Variants in CCNC observed in about 807,000 individuals in gnomAD.
CCNC encodes cyclin-C.
CCNC carries 19 observed loss-of-function variants against 50.0 expected under a neutral mutation model. The observed-to-expected ratio is 0.38, with a 90% CI of 0.27 to 0.56. The LOEUF is 0.56. CCNC is among the 20% of genes least tolerant of loss of function. The probability of loss-of-function intolerance (pLI) is 0.72; values close to 1 mark genes in which losing one functional copy is unlikely to be tolerated. For synonymous variants in CCNC, 93 were observed against 103.7 expected, an observed-to-expected ratio of 0.90 and a Z score of 0.63; for missense variants, 200 against 327.1, an observed-to-expected ratio of 0.61 and a Z score of 3.00.
rs1266323637 is a variant in CCNC, at chr6:99,543,571, C to T, written c.836G>A (p.Ser279Asn). Residue 279 changes from serine (S) to asparagine (N), a missense_variant, in exon 12 of 12, where the codon AGC becomes AAC. Ser to Asn is a conservative substitution (Grantham distance 46). Transcript: ENST00000520429. ...CGGAATGTTTTAAGATTGGCTGTAGCTAGAGTTCTGACTTCCATTTGGACC... is the reference window on the plus strand; with the variant it reads ...CGGAATGTTTTAAGATTGGCTGTAGTTAGAGTTCTGACTTCCATTTGGACC... Reference protein sequence around the residue: ...EQGPNGSQNSSYSQS With the variant: ...EQGPNGSQNSNYSQS The T allele has an allele frequency of 1.2e-6, 2 of 1,613,318 alleles. No individual in the cohort carries two copies. The highest frequency in any genetic ancestry group is 2.2e-5 in the East Asian group (1 of 44,798).
At chr6:99,550,129 T>G in intron 8 of CCNC, 89 bp downstream of exon 8, 1 of 898,886 alleles carries the variant, frequency 1.1e-6, no homozygotes, top group East Asian at 2.6e-5. Flanking sequence ...AATAGTTTAA[T>G]GACTTTAAAA....
chr6:99,543,518 T>C lies in CCNC; in HGVS notation c.*37A>G. On this transcript the variant is annotated 3_prime_UTR_variant, in exon 12 of 12. Transcript: ENST00000520429. ...TTACTGAAATCTGTCCAATGGTTTA[T>C]TTCCAAGTGGTCCACTATGGAATTC... The C allele has an allele frequency of 1.2e-6, 2 of 1,608,380 alleles. No homozygotes were observed. The highest frequency in any genetic ancestry group is 1.7e-6 in the Non-Finnish European group (2 of 1,175,196).
At chr6:99,548,138 C>T (rs1417076331) in intron 9 of CCNC, among the ~76,000 whole-genome samples, 2 of 152,086 alleles carry the variant, frequency 1.3e-5, no homozygotes, top group African/African-American at 4.8e-5. Context: ...AAAGAACTGC[C>T]AAGTGGCAAG....
At position 99,549,535 on chromosome 6, in the gene CCNC, G is replaced by C; in HGVS notation, c.571C>G (p.Leu191Val). The C allele has an allele frequency of 2.5e-6, 4 of 1,607,086 alleles. No homozygotes were observed. The highest frequency in any genetic ancestry group is 3.4e-6 in the Non-Finnish European group (4 of 1,174,014). ...NDTYRTDLCL[L>V]YPPFMIALAC... ...AAAGCTATCATGAAAGGAGGATACAGTAGGCAAAGATCCGTTCTGTAGGTA... is the reference window on the plus strand; with the variant it reads ...AAAGCTATCATGAAAGGAGGATACACTAGGCAAAGATCCGTTCTGTAGGTA... Residue 191 changes from leucine (L) to valine (V), a missense_variant, in exon 9 of 12, where the codon CTG becomes GTG. Leu to Val is a conservative substitution (Grantham distance 32, BLOSUM62 1). Transcript: ENST00000520429.
At chr6:99,566,962 C>T (rs911022893) in intron 1 of CCNC, 2 of 454,824 alleles carry the variant, frequency 4.4e-6, no homozygotes, top group Non-Finnish European at 8.8e-6. Context: ...CTTCCACACT[C>T]GTTACCTTTT....
At chr6:99,557,919 AG>A (rs1157499944) in intron 5 of CCNC, 3 of 152,642 alleles carry the variant, frequency 2.0e-5, no homozygotes, top group Admixed American at 6.5e-5. Context: ...GCTCACAGAA[AG>A]GTCCATGTAA....
At chr6:99,558,108 C>T (rs143418172) in intron 5 of CCNC, 83 of 230,458 alleles carry the variant, frequency 3.6e-4, no homozygotes, top group African/African-American at 1.8e-3. Flanking sequence ...TCATAACAAC[C>T]CAACAACACA....
intron 1 of CCNC, among the ~76,000 whole-genome samples, chr6:99,567,428 T>TATAC (rs1562496573): frequency 6.6e-6 from 1 of 151,270 alleles, no homozygotes; most frequent in African/African-American, 2.4e-5. Context: ...CACATATATA[T>TATAC]ACACACACAC....
chr6:99,551,903 A>C lies in CCNC; in HGVS notation c.347-8T>G, dbSNP rs1802314763. ...ATGAAAATCTAGTTTTTACTGCAGA[A>C]AATAAAAAAAAAATTTAAACTGAGA... is the stretch of plus-strand genomic sequence containing the variant. On this transcript the variant is annotated splice_polypyrimidine_tract_variant and splice_region_variant and intron_variant, in intron 5 of 11. Coordinates refer to ENST00000520429, the MANE Select transcript of CCNC (RefSeq NM_005190.4). The C allele has an allele frequency of 7.1e-7, 1 of 1,410,588 alleles. No homozygotes were observed. Among genetic ancestry groups the C allele is most frequent in the Non-Finnish European group, 9.5e-7 (1 of 1,052,252 alleles). The allele number at this position is 1,410,588 out of a possible 1,614,324, so 87.4% of individuals were successfully genotyped here.
rs373571578 is a variant in CCNC, at chr6:99,568,530, A to G, written c.-3T>C. The G allele has an allele frequency of 1.9e-4, 310 of 1,612,388 alleles. 1 individual carries two copies. Among genetic ancestry groups the G allele is most frequent in the Non-Finnish European group, 2.4e-4 (287 of 1,179,294 alleles). On this transcript the variant is annotated 5_prime_UTR_variant, in exon 1 of 12. Coordinates refer to ENST00000520429, the MANE Select transcript of CCNC (RefSeq NM_005190.4). ...CTCTGCCAAAAGTTCCCTGCCATGG[A>G]ACACAGCTTGCCCTGATAAAAAAGC...
intron 11 of CCNC, 77 bp downstream of exon 11, chr6:99,545,030 TACAAA>T (rs1280906371): frequency 1.5e-6 from 1 of 685,510 alleles, no homozygotes; most frequent in African/African-American, 1.8e-5. Flanking sequence ...TTTTAAAAAC[TACAAA>T]ACAACATAAT....
At chr6:99,543,662 A>T in intron 11 of CCNC, 53 bp from the exon 12 acceptor site, 1 of 1,604,474 alleles carries the variant, frequency 6.2e-7, no homozygotes, top group Non-Finnish European at 8.5e-7. Context: ...ATCCATTTTT[A>T]CACCCTGATA....
At chr6:99,547,848 T>C (rs1427423420) in intron 9 of CCNC, among the ~76,000 whole-genome samples, 1 of 151,952 alleles carries the variant, frequency 6.6e-6, no homozygotes, top group Non-Finnish European at 1.5e-5. Context: ...TGTGGTAACA[T>C]GGATAGAAAT....
At chr6:99,568,363 G>A in intron 1 of CCNC, 133 bp downstream of exon 1, 1 of 835,084 alleles carries the variant, frequency 1.2e-6, no homozygotes, top group Non-Finnish European at 1.9e-6. Context: ...TCTTGATTCT[G>A]ACCGCTGCGG....
chr6:99,544,006 G>A (rs1801972667), intron 11 of CCNC: 2 of 1,086,506 alleles, frequency 1.8e-6, no homozygotes, highest in Non-Finnish European at 1.1e-6. Flanking sequence ...AAAACAAGAA[G>A]TGTTCTTCAA....
chr6:99,548,474 C>T (rs1802158523), intron 9 of CCNC, among the ~76,000 whole-genome samples: 1 of 151,272 alleles, frequency 6.6e-6, no homozygotes, highest in Non-Finnish European at 1.5e-5. Context: ...CAAAGACAAA[C>T]CAATGGAAAA....
At chr6:99,566,595 C>A (rs937802099) in intron 1 of CCNC, among the ~76,000 whole-genome samples, 2 of 152,144 alleles carry the variant, frequency 1.3e-5, no homozygotes, top group African/African-American at 4.8e-5. Context: ...TCTACCTCAA[C>A]TACACTGTGG....
At chr6:99,554,790 A>G (rs920789057) in intron 5 of CCNC, among the ~76,000 whole-genome samples, 1 of 152,162 alleles carries the variant, frequency 6.6e-6, no homozygotes, top group Non-Finnish European at 1.5e-5. Context: ...GGTACCTTTT[A>G]TTGGAGAATG....
intron 5 of CCNC, among the ~76,000 whole-genome samples, chr6:99,554,712 AT>A (rs1216123430): frequency 6.6e-6 from 1 of 152,084 alleles, no homozygotes; most frequent in East Asian, 1.9e-4. Flanking sequence ...GCATTAAGAG[AT>A]GGTCCAGGTC....
Sources: gnomAD v4.1 joint callset for allele counts (sites outside exome capture counted in the v4.1 genomes callset) on GRCh38, gnomAD v4.1.1 for gene constraint, MANE v1.5 for transcripts, NCBI Gene and HGNC (gene_info 2026-07-23, HGNC 2026-07-21) for gene names.